Variants in ATXN7L1 observed in about 807,000 individuals in gnomAD.
The protein encoded by ATXN7L1 is ataxin-7-like protein 1.
In ATXN7L1, 15 loss-of-function variants were observed where a neutral mutation model predicts 70.8. The ratio of observed to expected loss-of-function variants is 0.21; its 90% CI spans 0.14 to 0.33. The LOEUF (loss-of-function observed/expected upper bound fraction) is 0.33, where lower values mean the gene tolerates loss of function less well. Among genes scored for constraint, ATXN7L1 ranks in the 10% least tolerant of loss-of-function variants. The pLI is 1.00. For synonymous variants in ATXN7L1, 440 were observed against 445.1 expected, an observed-to-expected ratio of 0.99 and a Z score of 0.14; for missense variants, 975 against 1,097.1, an observed-to-expected ratio of 0.89 and a Z score of 1.57.
intron 2 of ATXN7L1, among the ~76,000 whole-genome samples, chr7:105,840,029 A>T (rs913879757): frequency 3.0e-4 from 46 of 152,188 alleles, no homozygotes; most frequent in African/African-American, 9.9e-4. Flanking sequence ...CAGGTGGACC[A>T]AGGCAGCAGT....
In ATXN7L1 at chr7:105,850,450, A is replaced by G. The variant is rs568186169; in HGVS notation, c.250+25362T>C. Reference sequence around the variant, plus strand: ...ACTGCGCATTTCCCATGGGCCATGCATTGAGCTAAATGCTGTGTGTTCACT... The same window carrying G: ...ACTGCGCATTTCCCATGGGCCATGCGTTGAGCTAAATGCTGTGTGTTCACT... On this transcript the variant is annotated intron_variant, in intron 2 of 11. Coordinates refer to ENST00000419735, the MANE Select transcript of ATXN7L1 (RefSeq NM_020725.2). 1.7e-4 allele frequency among the ~76,000 whole-genome samples: 26 copies of G among 152,348 alleles called. 1 individual carries two copies. In the South Asian group the frequency reaches 4.8e-3, roughly 28 times the overall value.
chr7:105,821,309 G>A (rs748424042), intron 2 of ATXN7L1, among the ~76,000 whole-genome samples: 19 of 152,170 alleles, frequency 1.2e-4, no homozygotes, highest in Non-Finnish European at 2.1e-4. Flanking sequence ...AAAGTGCTGC[G>A]ATTACAGGCG....
chr7:105,815,778 C>T lies in ATXN7L1; in HGVS notation c.251-27070G>A, dbSNP rs938569292. Among the ~76,000 whole-genome samples the T allele has an allele frequency of 5.9e-5, 9 of 152,322 alleles. No individual in the cohort carries two copies. The East Asian group carries it at 7.7e-4, about 13-fold the overall frequency. On this transcript the variant is annotated intron_variant, in intron 2 of 11. Transcript: ENST00000419735. Reference sequence around the variant, plus strand: ...AAGGAAATCCCTGCATGATGCTCGGCAGCTTGCCTAGGGAATCACAAGTCT... The same window carrying T: ...AAGGAAATCCCTGCATGATGCTCGGTAGCTTGCCTAGGGAATCACAAGTCT...
chr7:105,864,569 G>A (rs1310074115), intron 2 of ATXN7L1, among the ~76,000 whole-genome samples: 1 of 151,176 alleles, frequency 6.6e-6, no homozygotes, highest in Non-Finnish European at 1.5e-5. Context: ...TACCCTACAG[G>A]ACAACACAGC....
intron 3 of ATXN7L1, among the ~76,000 whole-genome samples, chr7:105,671,423 A>C (rs1803662499): frequency 6.6e-6 from 1 of 152,178 alleles, no homozygotes; most frequent in Non-Finnish European, 1.5e-5. Flanking sequence ...AAACCAATCT[A>C]CTGTGCTAAT....
At chr7:105,636,267 C>T (rs1278246294) in intron 7 of ATXN7L1, among the ~76,000 whole-genome samples, 1 of 152,044 alleles carries the variant, frequency 6.6e-6, no homozygotes, top group Non-Finnish European at 1.5e-5. Context: ...TGGCGGCACA[C>T]GCCTGTAATC....
intron 3 of ATXN7L1, among the ~76,000 whole-genome samples, chr7:105,709,878 T>C (rs1413159363): frequency 9.8e-6 from 1 of 102,192 alleles, no homozygotes; most frequent in African/African-American, 4.5e-5. Flanking sequence ...CTTGCTTTGC[T>C]TTTTTTTTTT....
chr7:105,665,085 C>T lies in ATXN7L1; in HGVS notation c.559G>A (p.Gly187Arg). 1.9e-6 allele frequency: 3 copies of T among 1,551,282 alleles called. No homozygotes were observed. Among genetic ancestry groups the T allele is most frequent in the Non-Finnish European group, 2.6e-6 (3 of 1,146,964 alleles). The change falls in exon 4 of 12, where the codon GGA (glycine) becomes AGA (arginine). Residue 187 changes from glycine to arginine, a missense_variant. Physicochemically the swap from Gly to Arg is moderately radical, Grantham distance 125. Around this residue, in one of 5 missense-constraint regions of ATXN7L1, gnomAD observed 192 missense variants for 215.5 expected, o/e 0.89. Coordinates refer to ENST00000419735, the MANE Select transcript of ATXN7L1 (RefSeq NM_020725.2). The part of the protein sequence containing the change: ...SKQHTVFPAK[G>R]SRDKPCVPVP... ...ACTCACCATGGTTTATCCCTTGATC[C>T]TTTCGCAGGAAAGACTGTGTGCTGT...
chr7:105,842,358 C>T lies in ATXN7L1; in HGVS notation c.250+33454G>A, dbSNP rs181117582. On this transcript the variant is annotated intron_variant, in intron 2 of 11. Coordinates refer to ENST00000419735, the MANE Select transcript of ATXN7L1 (RefSeq NM_020725.2). ...ATTTTTACCACCCCAAAGAGAAACC[C>T]CGTACTTCCCAATTCCCCTTTTTGC... 3.6e-3 allele frequency among the ~76,000 whole-genome samples: 548 copies of T among 152,252 alleles called. 3 individuals are homozygous for T. The highest frequency in any genetic ancestry group is 9.7e-3 in the Admixed American group (149 of 15,298).
chr7:105,682,051 C>T (rs1805618870), intron 3 of ATXN7L1, among the ~76,000 whole-genome samples: 1 of 151,868 alleles, frequency 6.6e-6, no homozygotes, highest in Non-Finnish European at 1.5e-5. Context: ...ATGGCAAAAC[C>T]CTTTCTCTAC....
intron 7 of ATXN7L1, among the ~76,000 whole-genome samples, chr7:105,634,897 T>C (rs1007729357): frequency 1.3e-5 from 2 of 150,870 alleles, no homozygotes; most frequent in South Asian, 2.1e-4. Flanking sequence ...CTGGGCAACA[T>C]AGTGAGACTC....
chr7:105,766,537 G>C (rs994210353), intron 3 of ATXN7L1, among the ~76,000 whole-genome samples: 1 of 152,290 alleles, frequency 6.6e-6, no homozygotes, highest in South Asian at 2.1e-4. Context: ...ACCTATCAAT[G>C]ACACAGAAGC....
At chr7:105,871,592 C>G (rs1158120604) in intron 2 of ATXN7L1, among the ~76,000 whole-genome samples, 1 of 152,030 alleles carries the variant, frequency 6.6e-6, no homozygotes, top group African/African-American at 2.4e-5. Flanking sequence ...TGCCTGGACT[C>G]CCAGCTACTT....
chr7:105,820,141 A>C, intron 2 of ATXN7L1: 1 of 288,118 alleles, frequency 3.5e-6, no homozygotes, highest in Non-Finnish European at 6.7e-6. Context: ...AAAAAAAAAA[A>C]AAAAAAAAAA....
At chr7:105,709,346 A>G (rs1252994213) in intron 3 of ATXN7L1, among the ~76,000 whole-genome samples, 1 of 129,708 alleles carries the variant, frequency 7.7e-6, no homozygotes, top group Non-Finnish European at 1.6e-5. Context: ...CAAAAAAAAG[A>G]ATTTTTTTTC....
chr7:105,797,205 G>A (rs1039433080), intron 2 of ATXN7L1, among the ~76,000 whole-genome samples: 2 of 152,312 alleles, frequency 1.3e-5, no homozygotes, highest in Admixed American at 6.5e-5. Context: ...TTCCTGCCAC[G>A]GCTAGGCTGG....
intron 2 of ATXN7L1, among the ~76,000 whole-genome samples, chr7:105,821,884 C>T (rs1046797563): frequency 6.6e-6 from 1 of 152,204 alleles, no homozygotes; most frequent in Non-Finnish European, 1.5e-5. Flanking sequence ...TTTCCCTTTG[C>T]ATAATTAATC....
chr7:105,840,198 T>C (rs1289662486), intron 2 of ATXN7L1, among the ~76,000 whole-genome samples: 1 of 151,992 alleles, frequency 6.6e-6, no homozygotes, highest in Non-Finnish European at 1.5e-5. Flanking sequence ...CTGGCATGAG[T>C]GTAGGAGCAG....
intron 3 of ATXN7L1, among the ~76,000 whole-genome samples, chr7:105,727,746 G>GTGTATATATATACA (rs1333693053): frequency 3.6e-5 from 2 of 55,356 alleles, no homozygotes; most frequent in Non-Finnish European, 5.7e-5. Flanking sequence ...GTGTATGTGT[G>GTGTATATATATACA]TATATATATA....
Sources: gnomAD v4.1 joint callset for allele counts (sites outside exome capture counted in the v4.1 genomes callset) on GRCh38, gnomAD v4.1.1 for gene constraint, gnomAD v4.1.1 regional missense constraint, MANE v1.5 for transcripts, NCBI Gene and HGNC (gene_info 2026-07-23, HGNC 2026-07-21) for gene names.